PCDH11Y: variants seen among roughly 807,000 people sequenced by gnomAD.
The protein encoded by PCDH11Y is protocadherin 11 Y-linked.
For missense variants in PCDH11Y, 12 were observed against 224.8 expected, an observed-to-expected ratio of 0.05 and a Z score of 6.05; for synonymous variants, 9 against 83.6, an observed-to-expected ratio of 0.11 and a Z score of 4.87.
At chrY:5,210,188 T>A in intron 2 of PCDH11Y, among the ~76,000 whole-genome samples, 1 of 34,433 alleles carries the variant, frequency 2.9e-5, no homozygotes, top group African/African-American at 1.1e-4. Context: ...ATTGCCATAT[T>A]CCAACTGAAA....
intron 2 of PCDH11Y, among the ~76,000 whole-genome samples, chrY:5,282,905 T>C: frequency 3.1e-5 from 1 of 32,722 alleles, no homozygotes. Flanking sequence ...GGTTGTGGGC[T>C]CACTAAAAGC....
At chrY:5,614,746 G>C in intron 4 of PCDH11Y, among the ~76,000 whole-genome samples, 1 of 28,712 alleles carries the variant, frequency 3.5e-5, no homozygotes, top group Non-Finnish European at 7.7e-5. Flanking sequence ...AGTTTATTGA[G>C]AAATAACTGA....
intron 2 of PCDH11Y, among the ~76,000 whole-genome samples, chrY:5,152,304 A>T (rs2052864939): frequency 1.4e-3 from 46 of 32,966 alleles, no homozygotes; most frequent in African/African-American, 5.4e-3. Flanking sequence ...AATGTATGAT[A>T]TTCACTGCTC....
chrY:5,651,165 C>CTCTA (rs2053531197), intron 4 of PCDH11Y, among the ~76,000 whole-genome samples: 1 of 32,602 alleles, frequency 3.1e-5, no homozygotes, highest in Non-Finnish European at 7.6e-5. Flanking sequence ...CACAGAGCCA[C>CTCTA]CTCAATACTA....
intron 3 of PCDH11Y, among the ~76,000 whole-genome samples, chrY:5,541,661 T>C (rs2053406699): frequency 5.6e-4 from 18 of 32,196 alleles, no homozygotes; most frequent in Admixed American, 4.4e-3. Context: ...GCTTTATTCA[T>C]GTATATTTAT....
chrY:5,011,521 C>T, intron 1 of PCDH11Y, among the ~76,000 whole-genome samples: 1 of 33,456 alleles, frequency 3.0e-5, no homozygotes. Context: ...TTTTTATTTT[C>T]TTATTAGTCA....
chrY:5,383,986 C>G, intron 2 of PCDH11Y, among the ~76,000 whole-genome samples: 4 of 33,218 alleles, frequency 1.2e-4, no homozygotes, highest in African/African-American at 4.7e-4. Flanking sequence ...TGCACTGACT[C>G]TAAGATTTTA....
chrY:5,035,545 G>A, intron 3 of PCDH11Y, among the ~76,000 whole-genome samples: 1 of 32,328 alleles, frequency 3.1e-5, no homozygotes, highest in African/African-American at 1.2e-4. Context: ...TTTTCAACAC[G>A]TGCTGGATTA....
intron 3 of PCDH11Y, among the ~76,000 whole-genome samples, chrY:5,047,417 G>A: frequency 3.1e-5 from 1 of 31,772 alleles, no homozygotes; most frequent in African/African-American, 1.2e-4. Context: ...AATTTTTACC[G>A]CTCATCTTTT....
chrY:5,497,404 GA>G (rs2053346175), intron 2 of PCDH11Y, among the ~76,000 whole-genome samples: 1 of 33,793 alleles, frequency 3.0e-5, no homozygotes, highest in African/African-American at 1.2e-4. Flanking sequence ...CATTGATGAT[GA>G]GCTTCTTTTC....
chrY:5,554,844 C>T, intron 3 of PCDH11Y, among the ~76,000 whole-genome samples: 1 of 33,794 alleles, frequency 3.0e-5, no homozygotes, highest in African/African-American at 1.2e-4. Flanking sequence ...TCATGAAGAA[C>T]CTCTGCTAAA....
intron 2 of PCDH11Y, among the ~76,000 whole-genome samples, chrY:5,339,454 C>T (rs2053143067): frequency 6.2e-5 from 2 of 32,054 alleles, no homozygotes; most frequent in East Asian, 1.6e-3. Context: ...CGGGTTCAAG[C>T]GATTCTCCTG....
intron 3 of PCDH11Y, among the ~76,000 whole-genome samples, chrY:5,533,533 TACA>T (rs2053397297): frequency 8.9e-5 from 3 of 33,708 alleles, no homozygotes; most frequent in Non-Finnish European, 1.5e-4. Context: ...TTTTATTAGT[TACA>T]ACAATGAAAT....
chrY:5,638,592 T>A lies in PCDH11Y; in HGVS notation c.3352+56794T>A, dbSNP rs201602647. 1.5e-3 allele frequency among the ~76,000 whole-genome samples: 50 copies of A among 32,732 alleles called. No homozygotes were observed. The East Asian group carries it at 0.042, about 27-fold the overall frequency. The allele number at this position is 32,732 out of a possible 37,273, so 87.8% of individuals were successfully genotyped here. A position where few individuals can be genotyped will look rare whatever the true frequency, so the allele number is the denominator to read the frequency against. Reference sequence around the variant, plus strand: ...TCTCTTCCTCTCTCCTAATGCCATCTTATATGTGCTTTATCTTTTTATTTT... The same window carrying A: ...TCTCTTCCTCTCTCCTAATGCCATCATATATGTGCTTTATCTTTTTATTTT... On this transcript the variant is annotated intron_variant, in intron 4 of 4. Coordinates refer to the PCDH11Y transcript ENST00000400457.
intron 2 of PCDH11Y, among the ~76,000 whole-genome samples, chrY:5,131,687 G>A: frequency 3.0e-5 from 1 of 32,806 alleles, no homozygotes; most frequent in Non-Finnish European, 7.6e-5. Flanking sequence ...TTTAAATTTA[G>A]CCTCTTTTAG....
chrY:5,083,626 T>C, intron 1 of PCDH11Y, among the ~76,000 whole-genome samples: 1 of 32,394 alleles, frequency 3.1e-5, no homozygotes, highest in Non-Finnish European at 7.5e-5. Context: ...AGTAAAGCCA[T>C]CGGGTCCCAG....
intron 4 of PCDH11Y, among the ~76,000 whole-genome samples, chrY:5,711,963 T>C: frequency 1.2e-4 from 4 of 33,477 alleles, no homozygotes; most frequent in African/African-American, 4.7e-4. Flanking sequence ...TCTCAGTTGA[T>C]GGAACTCTGT....
At chrY:5,575,684 A>T in intron 3 of PCDH11Y, among the ~76,000 whole-genome samples, 1 of 33,938 alleles carries the variant, frequency 2.9e-5, no homozygotes, top group Non-Finnish European at 7.4e-5. Flanking sequence ...TTGACAAAAC[A>T]GTCAAAGCTT....
chrY:5,412,541 C>T, intron 2 of PCDH11Y, among the ~76,000 whole-genome samples: 1 of 33,255 alleles, frequency 3.0e-5, no homozygotes, highest in African/African-American at 1.2e-4. Flanking sequence ...CCAGCTTTTG[C>T]TCATTCAGTA....
Sources: allele counts gnomAD v4.1 joint callset (sites outside exome capture counted in the v4.1 genomes callset), GRCh38; gene constraint gnomAD v4.1.1; transcripts MANE v1.5; gene names NCBI Gene and HGNC (gene_info 2026-07-23, HGNC 2026-07-21).